Variants in GPR18 observed in about 807,000 individuals in gnomAD.
The protein encoded by GPR18 is G protein-coupled receptor 18, also known as N-arachidonyl glycine receptor.
In GPR18, 20 loss-of-function variants were observed where a neutral mutation model predicts 22.8. The observed-to-expected ratio is 0.88, with a 90% CI of 0.62 to 1.28. The LOEUF (loss-of-function observed/expected upper bound fraction) is 1.28. GPR18 is among the 50% of genes most tolerant of loss of function. The pLI is 0.00. For synonymous variants in GPR18, 160 were observed against 155.3 expected (o/e 1.03, Z -0.22); for missense variants, 379 against 412.0 (o/e 0.92, Z 0.69).
Position 99,255,861 on chromosome 13 carries a change from C to G in GPR18, c.12G>C (p.Leu4=), listed in dbSNP as rs1357534491. The G allele has an allele frequency of 6.4e-7, 1 of 1,560,856 alleles. No individual in the cohort carries two copies. The highest frequency in any genetic ancestry group is 8.6e-7 in the Non-Finnish European group (1 of 1,156,506). ...AAGGGACAGGTTGATCTTGATTGTT[C>G]AGGGTGATCATTTTACAGCTTGTTG... MIT[L]NNQDQPVPFN... The change falls in exon 2 of 2, where the codon CTG becomes CTC. Residue 4 remains leucine, a synonymous_variant. Coordinates refer to ENST00000397470, the MANE Select transcript of GPR18 (RefSeq NM_001098200.2).
rs547952979 is a variant in GPR18 at position 99,257,550 on chromosome 13, G to GA, written c.-35+603dup. ...TACTTATATTCATTTGCTGACGTTT[G>GA]AAAAAAAATGAGTGATGCATGTGTT... On this transcript the variant is annotated intron_variant, in intron 1 of 1. Coordinates refer to ENST00000397470, the MANE Select transcript of GPR18 (RefSeq NM_001098200.2). 2.4e-4 allele frequency among the ~76,000 whole-genome samples: 36 copies of GA among 151,554 alleles called. No homozygotes were observed. The South Asian group carries it at 7.1e-3, about 30-fold the overall frequency.
At chr13:99,256,928 G>C (rs1237553660) in intron 1 of GPR18, among the ~76,000 whole-genome samples, 1 of 152,168 alleles carries the variant, frequency 6.6e-6, no homozygotes, top group African/African-American at 2.4e-5. Context: ...TGCAGAGTGG[G>C]CTGTCTTGAA....
chr13:99,257,632 A>G (rs2043588029), intron 1 of GPR18, among the ~76,000 whole-genome samples: 1 of 152,228 alleles, frequency 6.6e-6, no homozygotes, highest in Admixed American at 6.5e-5. Context: ...TTGGATAAAT[A>G]TTGAAAAGTG....
At chr13:99,256,704 C>A in intron 1 of GPR18, among the ~76,000 whole-genome samples, 2 of 51,076 alleles carry the variant, frequency 3.9e-5, no homozygotes, top group Non-Finnish European at 4.2e-5. Flanking sequence ...TATAAATTTC[C>A]ATCACCAAAA....
In GPR18 at chr13:99,255,433, A is replaced by T; in HGVS notation, c.440T>A (p.Ile147Lys). 6.2e-7 allele frequency: 1 copy of T among 1,614,100 alleles called. No homozygotes were observed. The highest frequency in any genetic ancestry group is 8.5e-7 in the Non-Finnish European group (1 of 1,180,030). ...KAVLACVGVW[I>K]MTLTTTTPLL... is the part of the protein sequence containing the mutation. Reference sequence around the variant, plus strand: ...AGGGGTGGTCGTGGTCAGGGTCATTATCCAGACTCCCACACACGCCAGCAC... The same window carrying T: ...AGGGGTGGTCGTGGTCAGGGTCATTTTCCAGACTCCCACACACGCCAGCAC... The change falls in exon 2 of 2, where the codon ATA (isoleucine) becomes AAA (lysine). Residue 147 changes from isoleucine to lysine, a missense_variant. Coordinates refer to ENST00000397470, the MANE Select transcript of GPR18 (RefSeq NM_001098200.2).
At position 99,255,130 on chromosome 13, in the gene GPR18, A is replaced by T. The variant is rs2043522738; in HGVS notation, c.743T>A (p.Phe248Tyr). Residue 248 changes from phenylalanine (F) to tyrosine (Y), a missense_variant, in exon 2 of 2, where the codon TTC (phenylalanine) becomes TAC (tyrosine). Coordinates refer to ENST00000397470, the MANE Select transcript of GPR18 (RefSeq NM_001098200.2). ...CATCAGGAAAGCGAAACAGATGTGGAAGGGCATAAAGCAGACGAGCACCTG... is the reference window on the plus strand; with the variant it reads ...CATCAGGAAAGCGAAACAGATGTGGTAGGGCATAAAGCAGACGAGCACCTG... ...LVQVLVCFMP[F>Y]HICFAFLMLG... The T allele has an allele frequency of 6.2e-7, 1 of 1,614,034 alleles. No individual in the cohort carries two copies. Among genetic ancestry groups the T allele is most frequent in the Admixed American group, 1.7e-5 (1 of 59,998 alleles).
rs150612287 is a variant in GPR18, at chr13:99,254,926, C to T, written c.947G>A (p.Arg316Gln). 2.7e-5 allele frequency: 43 copies of T among 1,613,992 alleles called. No individual in the cohort carries two copies. The highest frequency in any genetic ancestry group is 4.0e-5 in the African/African-American group (3 of 75,008). Residue 316 changes from arginine to glutamine, a missense_variant, in exon 2 of 2, where the codon CGA (arginine) becomes CAA (glutamine). Coordinates refer to ENST00000397470, the MANE Select transcript of GPR18 (RefSeq NM_001098200.2). ...YLRSMRRKSFRSGSLRSLSNI... is the reference protein window; with the variant it reads ...YLRSMRRKSFQSGSLRSLSNI... ...GCTTAGTGACCGTAGACTACCAGATCGGAAACTTTTTCTGCGCATGCTTCG... is the reference window on the plus strand; with the variant it reads ...GCTTAGTGACCGTAGACTACCAGATTGGAAACTTTTTCTGCGCATGCTTCG...
chr13:99,256,006 C>T, intron 1 of GPR18, 100 bp from the exon 2 acceptor site: 4 of 761,942 alleles, frequency 5.2e-6, no homozygotes, highest in East Asian at 5.5e-5. Flanking sequence ...ATTTTAAGTT[C>T]GAGAGCATTT....
chr13:99,256,913 C>T (rs1441322652), intron 1 of GPR18, among the ~76,000 whole-genome samples: 1 of 152,192 alleles, frequency 6.6e-6, no homozygotes, highest in African/African-American at 2.4e-5. Flanking sequence ...TCAAAAATGT[C>T]ACTTTGCAGA....
chr13:99,255,835 A>G lies in GPR18; in HGVS notation c.38T>C (p.Phe13Ser). The change falls in exon 2 of 2, where the codon TTT becomes TCT. Residue 13 changes from phenylalanine to serine, a missense_variant. By Grantham distance (155) the Phe-to-Ser change is radical. Coordinates refer to ENST00000397470, the MANE Select transcript of GPR18 (RefSeq NM_001098200.2). ...GTATTCATCTGGATGTGAGCTGTTA[A>G]AAGGGACAGGTTGATCTTGATTGTT... ...TLNNQDQPVPFNSSHPDEYKI... is the reference protein window; with the variant it reads ...TLNNQDQPVPSNSSHPDEYKI... 6.2e-7 allele frequency: 1 copy of G among 1,602,206 alleles called. No homozygotes were observed. The highest frequency in any genetic ancestry group is 8.5e-7 in the Non-Finnish European group (1 of 1,174,516).
chr13:99,256,441 A>G (rs922297625), intron 1 of GPR18: 1 of 152,212 alleles, frequency 6.6e-6, no homozygotes, highest in African/African-American at 2.4e-5. Flanking sequence ...CTAGTGCACA[A>G]TTGGGAGTAC....
In GPR18 at chr13:99,255,065, A is replaced by C; in HGVS notation, c.808T>G (p.Phe270Val). ...GENSYNPWGA[F>V]TTFLMNLSTC... Reference sequence around the variant, plus strand: ...CTGAGGTTCATGAGGAAGGTGGTAAAGGCTCCCCAGGGATTGTAACTGTTC... The same window carrying C: ...CTGAGGTTCATGAGGAAGGTGGTAACGGCTCCCCAGGGATTGTAACTGTTC... The change falls in exon 2 of 2, where the codon TTT becomes GTT. Residue 270 changes from phenylalanine to valine, a missense_variant. Transcript: ENST00000397470. 1.2e-6 allele frequency: 2 copies of C among 1,614,106 alleles called. No individual in the cohort carries two copies. The highest frequency in any genetic ancestry group is 1.1e-5 in the South Asian group (1 of 91,078).
chr13:99,256,539 G>A (rs1217529391), intron 1 of GPR18: 2 of 151,972 alleles, frequency 1.3e-5, no homozygotes, highest in African/African-American at 4.8e-5. Flanking sequence ...AGCTAGTGCC[G>A]TTAGTAACTT....
Position 99,255,357 on chromosome 13 carries a change from G to T in GPR18, c.516C>A (p.Cys172Ter), listed in dbSNP as rs749743204. 2 of 1,614,180 alleles carry T rather than the reference G, an allele frequency of 1.2e-6. No individual in the cohort carries two copies. The highest frequency in any genetic ancestry group is 1.7e-6 in the Non-Finnish European group (2 of 1,180,040). Residue 172 changes from cysteine to a stop codon, truncating the protein, a stop_gained, in exon 2 of 2, where the codon TGC (cysteine) becomes TGA (stop). Transcript: ENST00000397470. LOFTEE classifies it high-confidence loss of function. ...GATAGATGATGTCAGAAATCTTGAG[G>T]CAGGTGGCGGGAGTGGAGTCTTTAT... ...DPDKDSTPAT[C>*]LKISDIIYLK... is the part of the protein sequence containing the mutation.
rs532887631 is a variant in GPR18 at position 99,254,789 on chromosome 13, C to T, written c.*88G>A. 1 of 932,042 alleles carries T rather than the reference C, an allele frequency of 1.1e-6. No homozygotes were observed. The allele number at this position is 932,042 out of a possible 1,614,324, so 57.7% of individuals were successfully genotyped here. A position where few individuals can be genotyped will look rare whatever the true frequency, so the allele number is the denominator to read the frequency against. ...ATTTATTTTTTCAAGAGAAAAGGGA[C>T]TTGATAGTATTATACAGAATATCCA... is the stretch of plus-strand genomic sequence containing the variant. On this transcript the variant is annotated 3_prime_UTR_variant, in exon 2 of 2. Transcript: ENST00000397470.
intron 1 of GPR18, among the ~76,000 whole-genome samples, chr13:99,257,242 A>G (rs1309229254): frequency 6.6e-6 from 1 of 152,236 alleles, no homozygotes; most frequent in Non-Finnish European, 1.5e-5. Context: ...CTATCAAATG[A>G]GGAAAGTGCT....
intron 1 of GPR18, among the ~76,000 whole-genome samples, chr13:99,257,896 C>A (rs1389237975): frequency 6.6e-6 from 1 of 151,938 alleles, no homozygotes; most frequent in Non-Finnish European, 1.5e-5. Context: ...GATTATATAG[C>A]CTATTTCAAG....
At chr13:99,256,235 T>C (rs2043554130) in intron 1 of GPR18, 1 of 164,472 alleles carries the variant, frequency 6.1e-6, no homozygotes, top group Non-Finnish European at 1.3e-5. Flanking sequence ...AACTCTAGTT[T>C]GTAATTCTCT....
In GPR18 at chr13:99,254,814, A is replaced by T. The variant is rs1373177652; in HGVS notation, c.*63T>A. 3 of 1,271,002 alleles carry T rather than the reference A, an allele frequency of 2.4e-6. No individual in the cohort carries two copies. The highest frequency in any genetic ancestry group is 2.8e-5 in the South Asian group (2 of 71,890). The allele number at this position is 1,271,002 out of a possible 1,614,324, so 78.7% of individuals were successfully genotyped here. ...CTTGATAGTATTATACAGAATATCCATTGACGCCAGAGTAGTTAGTGAAGT... is the reference window on the plus strand; with the variant it reads ...CTTGATAGTATTATACAGAATATCCTTTGACGCCAGAGTAGTTAGTGAAGT... On this transcript the variant is annotated 3_prime_UTR_variant, in exon 2 of 2. Transcript: ENST00000397470.
Sources: allele counts gnomAD v4.1 joint callset (sites outside exome capture counted in the v4.1 genomes callset), GRCh38; gene constraint gnomAD v4.1.1; transcripts MANE v1.5; gene names NCBI Gene and HGNC (gene_info 2026-07-23, HGNC 2026-07-21).